Variants in UBR2 observed in about 807,000 individuals in gnomAD.
UBR2 encodes the protein E3 ubiquitin-protein ligase UBR2.
Under a neutral mutation model 247.9 loss-of-function variants are expected in UBR2, and 92 were observed. That is an observed-to-expected ratio of 0.37 (90% confidence interval 0.31 to 0.44). The LOEUF (loss-of-function observed/expected upper bound fraction) is 0.44. Among genes scored for constraint, UBR2 ranks in the 20% least tolerant of loss-of-function variants. The probability of loss-of-function intolerance (pLI) is 1.00; values close to 1 mark genes in which losing one functional copy is unlikely to be tolerated. For synonymous variants in UBR2, 672 were observed against 693.5 expected, an observed-to-expected ratio of 0.97 and a Z score of 0.49; for missense variants, 1,613 against 2,112.6, an observed-to-expected ratio of 0.76 and a Z score of 4.64.
At chr6:42,636,912 T>C in intron 14 of UBR2, 99 bp from the exon 15 acceptor site, 4 of 1,325,226 alleles carry the variant, frequency 3.0e-6, no homozygotes, top group Non-Finnish European at 4.1e-6. Flanking sequence ...TTTGCCTATA[T>C]TGTTATTTGA....
chr6:42,572,629 T>G (rs951860391), intron 1 of UBR2, among the ~76,000 whole-genome samples: 1 of 151,790 alleles, frequency 6.6e-6, no homozygotes, highest in South Asian at 2.1e-4. Flanking sequence ...CAATAGGTAG[T>G]TTTTCAACTC....
chr6:42,651,129 G>A (rs745621245), intron 23 of UBR2, among the ~76,000 whole-genome samples: 1 of 151,936 alleles, frequency 6.6e-6, no homozygotes, highest in Non-Finnish European at 1.5e-5. Context: ...GGCTGAGATA[G>A]GAGGATCACT....
intron 2 of UBR2, among the ~76,000 whole-genome samples, chr6:42,582,397 A>G: frequency 6.6e-6 from 1 of 152,016 alleles, no homozygotes; most frequent in East Asian, 1.9e-4. Context: ...TACTTGATAC[A>G]TTGGTTTCAG....
At position 42,646,816 on chromosome 6, in the gene UBR2, TATATAGAGAG is replaced by T. The variant is rs1349920309; in HGVS notation, c.2409+1228_2409+1237del. On this transcript the variant is annotated intron_variant, in intron 21 of 46. Transcript: ENST00000372901. The stretch of plus-strand genomic sequence containing the variant: ...ATTTATATATATATGTTTATATATA[TATATAGAGAG>T]AGAGAGAGAGAGAGAGATAGAGTCT... Among the ~76,000 whole-genome samples, 13 of 148,984 alleles carry T rather than the reference TATATAGAGAG, an allele frequency of 8.7e-5. No homozygotes were observed. The East Asian group carries it at 2.5e-3, about 29-fold the overall frequency.
intron 13 of UBR2, among the ~76,000 whole-genome samples, chr6:42,634,985 C>T (rs1405617407): frequency 6.6e-6 from 1 of 152,120 alleles, no homozygotes. Context: ...TTCTTTCAGG[C>T]TCTGTGAAAA....
chr6:42,621,799 A>G (rs1163220700), intron 11 of UBR2, among the ~76,000 whole-genome samples: 2 of 151,996 alleles, frequency 1.3e-5, no homozygotes, highest in Non-Finnish European at 2.9e-5. Flanking sequence ...TTCTGTATGA[A>G]TTTAGATTCA....
chr6:42,564,515 G>A, intron 1 of UBR2, 118 bp downstream of exon 1: 1 of 1,193,314 alleles, frequency 8.4e-7, no homozygotes, highest in Non-Finnish European at 1.2e-6. Flanking sequence ...CAGCTGTGCC[G>A]GCCCTCGCCT....
intron 1 of UBR2, among the ~76,000 whole-genome samples, chr6:42,565,936 A>G (rs939114925): frequency 6.6e-6 from 1 of 151,974 alleles, no homozygotes; most frequent in African/African-American, 2.4e-5. Flanking sequence ...ATGTTGTACA[A>G]CTCAAGGAAT....
intron 31 of UBR2, 135 bp from the exon 32 acceptor site, chr6:42,663,123 G>C: frequency 2.8e-6 from 2 of 714,634 alleles, no homozygotes; most frequent in African/African-American, 1.9e-5. Context: ...CAAAAATCAT[G>C]TTAAAAATAA....
intron 4 of UBR2, among the ~76,000 whole-genome samples, chr6:42,597,049 A>G (rs1041621997): frequency 2.0e-5 from 3 of 152,222 alleles, no homozygotes. Flanking sequence ...TCCCTGTGTT[A>G]GAGTAGACTT....
At chr6:42,576,188 G>C (rs538970612) in intron 2 of UBR2, among the ~76,000 whole-genome samples, 1 of 152,132 alleles carries the variant, frequency 6.6e-6, no homozygotes, top group African/African-American at 2.4e-5. Context: ...GCATGTTGCT[G>C]TTGGTGTTAT....
chr6:42,657,171 G>T (rs1040254003), intron 26 of UBR2, among the ~76,000 whole-genome samples: 2 of 150,182 alleles, frequency 1.3e-5, no homozygotes, highest in African/African-American at 4.9e-5. Context: ...GGAGGTGGAG[G>T]TTGCAGTGAT....
At chr6:42,572,700 C>G (rs773551053) in intron 1 of UBR2, among the ~76,000 whole-genome samples, 23 of 151,574 alleles carry the variant, frequency 1.5e-4, no homozygotes, top group Non-Finnish European at 2.1e-4. Context: ...TAACTGCATT[C>G]TAGCAGAAGT....
intron 2 of UBR2, among the ~76,000 whole-genome samples, chr6:42,579,636 A>C (rs1261963391): frequency 2.6e-5 from 4 of 152,068 alleles, no homozygotes; most frequent in African/African-American, 4.8e-5. Flanking sequence ...GTTCCTTCCA[A>C]GTAGCTAGAA....
chr6:42,685,164 A>T (rs746083915), intron 44 of UBR2, among the ~76,000 whole-genome samples: 2 of 152,078 alleles, frequency 1.3e-5, no homozygotes, highest in Non-Finnish European at 2.9e-5. Context: ...ATACAGAATT[A>T]GCGGGGCATG....
In UBR2 at chr6:42,662,284, T is replaced by C. The variant is rs750905244; in HGVS notation, c.3536+7T>C. 1.3e-6 allele frequency: 2 copies of C among 1,549,940 alleles called. No individual in the cohort carries two copies. Among genetic ancestry groups the C allele is most frequent in the South Asian group, 2.4e-5 (2 of 84,490 alleles). On this transcript the variant is annotated splice_region_variant and intron_variant, in intron 31 of 46. Transcript: ENST00000372901. ...ATGCCCATTGTTGGCAAAGGTAATG[T>C]ATATTCTTAATATTTGTCAAGAGAA...
rs527581515 is a variant in UBR2, at chr6:42,635,489, A to G, written c.1617A>G (p.Thr539=). 1.9e-6 allele frequency: 3 copies of G among 1,613,748 alleles called. No homozygotes were observed. Among genetic ancestry groups the G allele is most frequent in the Admixed American group, 1.7e-5 (1 of 60,024 alleles). ...AACCAGAGTGGGAAGCAGCCTTCAC[A>G]CTACAAATGAAATTAACACATGTCA... The part of the protein sequence containing the change: ...EMEPEWEAAF[T]LQMKLTHVIS... Residue 539 remains threonine, a synonymous_variant, in exon 14 of 47, where the codon ACA becomes ACG. Transcript: ENST00000372901.
chr6:42,665,213 CCAT>C (rs1798037325), intron 32 of UBR2, among the ~76,000 whole-genome samples, 193 bp from the exon 33 acceptor site: 1 of 151,976 alleles, frequency 6.6e-6, no homozygotes, highest in East Asian at 1.9e-4. Context: ...AGTGTTATTA[CCAT>C]CATATTGACA....
At chr6:42,601,366 A>G (rs1206337967) in intron 4 of UBR2, among the ~76,000 whole-genome samples, 1 of 152,194 alleles carries the variant, frequency 6.6e-6, no homozygotes, top group East Asian at 1.9e-4. Flanking sequence ...CATAACAAAT[A>G]GTAATAAACC....
Sources: gnomAD v4.1 joint callset for allele counts (sites outside exome capture counted in the v4.1 genomes callset) on GRCh38, gnomAD v4.1.1 for gene constraint, MANE v1.5 for transcripts, NCBI Gene and HGNC (gene_info 2026-07-23, HGNC 2026-07-21) for gene names.